The following GHR variants were observed in gnomAD, a reference collection of about 807,000 sequenced individuals.
The protein encoded by GHR is GH receptor.
Under a neutral mutation model 67.1 loss-of-function variants are expected in GHR, and 35 were observed. The ratio of observed to expected loss-of-function variants is 0.52; its 90% CI spans 0.40 to 0.69. The LOEUF (loss-of-function observed/expected upper bound fraction) is 0.69. GHR is among the 30% of genes least tolerant of loss of function. The pLI is 0.00. For synonymous variants in GHR, 272 were observed against 269.1 expected (o/e 1.01, Z -0.10); for missense variants, 792 against 764.6 (o/e 1.04, Z -0.42).
rs1254594268 is a variant in GHR at position 42,690,809 on chromosome 5, G to A, written c.266+1790G>A. 3.3e-5 allele frequency among the ~76,000 whole-genome samples: 5 copies of A among 152,056 alleles called. No individual in the cohort carries two copies. In the East Asian group the frequency reaches 9.6e-4, roughly 29 times the overall value. On this transcript the variant is annotated intron_variant, in intron 4 of 9. Coordinates refer to ENST00000230882, the MANE Select transcript of GHR (RefSeq NM_000163.5). ...AGAGAGGTTGGGGCCAGTAAACAGA[G>A]TTGATTTCTATAAATACATTCAGAC...
intron 1 of GHR, among the ~76,000 whole-genome samples, chr5:42,535,531 C>G (rs1397822743): frequency 6.6e-6 from 1 of 152,020 alleles, no homozygotes; most frequent in Non-Finnish European, 1.5e-5. Context: ...ATTTTCATAC[C>G]AATACCATGC....
intron 1 of GHR, among the ~76,000 whole-genome samples, chr5:42,557,083 C>T (rs1258154809): frequency 6.6e-6 from 1 of 152,134 alleles, no homozygotes; most frequent in Non-Finnish European, 1.5e-5. Context: ...CCAAACCTAA[C>T]GACAACCACA....
chr5:42,452,601 CT>C (rs1416955473), intron 1 of GHR, among the ~76,000 whole-genome samples: 1 of 151,886 alleles, frequency 6.6e-6, no homozygotes, highest in Non-Finnish European at 1.5e-5. Context: ...TTTAAAAATT[CT>C]TTTTTCTTTG....
At chr5:42,668,630 A>G (rs1372319171) in intron 3 of GHR, among the ~76,000 whole-genome samples, 2 of 152,180 alleles carry the variant, frequency 1.3e-5, no homozygotes, top group Non-Finnish European at 2.9e-5. Context: ...ATGACAAGCT[A>G]TGTTCTGAGC....
At chr5:42,501,855 C>T (rs1235487067) in intron 1 of GHR, among the ~76,000 whole-genome samples, 2 of 152,228 alleles carry the variant, frequency 1.3e-5, no homozygotes, top group African/African-American at 4.8e-5. Flanking sequence ...ACTATACTGC[C>T]AAAATGGTTA....
At chr5:42,626,653 G>A (rs1753719555) in intron 2 of GHR, among the ~76,000 whole-genome samples, 1 of 152,126 alleles carries the variant, frequency 6.6e-6, no homozygotes, top group Non-Finnish European at 1.5e-5. Flanking sequence ...GCCCCATCCT[G>A]AGGCTCTCCA....
intron 3 of GHR, among the ~76,000 whole-genome samples, chr5:42,668,608 G>T (rs542268541): frequency 4.3e-4 from 65 of 152,174 alleles, no homozygotes; most frequent in Non-Finnish European, 8.2e-4. Flanking sequence ...TTAAAAACAT[G>T]CACATAAGAG....
chr5:42,588,320 C>A (rs1341212120), intron 2 of GHR, among the ~76,000 whole-genome samples: 2 of 151,782 alleles, frequency 1.3e-5, no homozygotes, highest in African/African-American at 4.8e-5. Flanking sequence ...GAGATTGAGA[C>A]CATCCTGGCT....
intron 1 of GHR, among the ~76,000 whole-genome samples, chr5:42,528,370 C>T (rs1161947257): frequency 6.6e-6 from 1 of 152,080 alleles, no homozygotes; most frequent in Non-Finnish European, 1.5e-5. Context: ...TCATAGATTA[C>T]TTTGAATTGA....
intron 2 of GHR, among the ~76,000 whole-genome samples, chr5:42,569,723 A>G (rs1446273982): frequency 1.3e-5 from 2 of 152,018 alleles, no homozygotes; most frequent in Non-Finnish European, 2.9e-5. Context: ...CACTATATGT[A>G]CACATATACA....
chr5:42,548,171 G>A, intron 1 of GHR: 4 of 981,798 alleles, frequency 4.1e-6, no homozygotes, highest in Non-Finnish European at 4.8e-6. Context: ...TTTATTATAT[G>A]AGACAATGGT....
chr5:42,531,372 T>C (rs1747960621), intron 1 of GHR, among the ~76,000 whole-genome samples: 1 of 152,170 alleles, frequency 6.6e-6, no homozygotes, highest in Admixed American at 6.5e-5. Context: ...TTAGAACTTA[T>C]GAGTAGCAGA....
intron 2 of GHR, among the ~76,000 whole-genome samples, chr5:42,592,829 A>T (rs1191028370): frequency 6.6e-6 from 1 of 152,220 alleles, no homozygotes; most frequent in African/African-American, 2.4e-5. Context: ...CCTGCTTTCC[A>T]TAGTGGCTGA....
rs1739977037 is a variant in GHR, at chr5:42,565,722, G to A, written c.-11-142G>A. 35 of 1,549,684 alleles carry A rather than the reference G, an allele frequency of 2.3e-5. No homozygotes were observed. The South Asian group carries it at 3.5e-4, about 16-fold the overall frequency. On this transcript the variant is annotated intron_variant, in intron 1 of 9. Coordinates refer to ENST00000230882, the MANE Select transcript of GHR (RefSeq NM_000163.5). ...GAAAAGTAGGACAATATGAGACTCT[G>A]GGGCAGTGAAAGACTTACCAGGATT...
chr5:42,667,401 T>C (rs1209232773), intron 3 of GHR, among the ~76,000 whole-genome samples: 1 of 152,182 alleles, frequency 6.6e-6, no homozygotes, highest in Non-Finnish European at 1.5e-5. Flanking sequence ...CAGTATTTGA[T>C]GGGCCTTTCA....
At chr5:42,687,419 A>G (rs978576548) in intron 3 of GHR, among the ~76,000 whole-genome samples, 1 of 152,082 alleles carries the variant, frequency 6.6e-6, no homozygotes, top group African/African-American at 2.4e-5. Flanking sequence ...GACCCAGCTT[A>G]TTTTTCTACA....
intron 2 of GHR, among the ~76,000 whole-genome samples, chr5:42,597,970 C>G (rs1181563441): frequency 6.6e-6 from 1 of 152,124 alleles, no homozygotes; most frequent in East Asian, 1.9e-4. Context: ...TATTATACCT[C>G]AGAAATGAGT....
At chr5:42,579,632 T>A (rs1307907722) in intron 2 of GHR, among the ~76,000 whole-genome samples, 1 of 152,212 alleles carries the variant, frequency 6.6e-6, no homozygotes, top group African/African-American at 2.4e-5. Context: ...TTCTAACAAA[T>A]GCTTCCTTTC....
intron 2 of GHR, among the ~76,000 whole-genome samples, chr5:42,621,949 C>A (rs531608007): frequency 1.8e-4 from 28 of 152,210 alleles, no homozygotes; most frequent in Middle Eastern, 3.4e-3. Context: ...AGAGTCATAA[C>A]ATGTACGAGA....
Sources: allele counts gnomAD v4.1 joint callset (sites outside exome capture counted in the v4.1 genomes callset), GRCh38; gene constraint gnomAD v4.1.1; transcripts MANE v1.5; gene names NCBI Gene and HGNC (gene_info 2026-07-23, HGNC 2026-07-21).